The following MN1 variants were observed in gnomAD, a reference collection of about 807,000 sequenced individuals.
MN1 encodes transcriptional activator MN1.
MN1 carries 19 observed loss-of-function variants against 86.9 expected under a neutral mutation model. The ratio of observed to expected loss-of-function variants is 0.22; its 90% CI spans 0.15 to 0.32. The LOEUF is 0.32. Ranked by LOEUF, MN1 falls within the 10% of genes least tolerant of loss-of-function variation. MN1 has a pLI of 1.00. For synonymous variants in MN1, 928 were observed against 849.6 expected, an observed-to-expected ratio of 1.09 and a Z score of -1.60; for missense variants, 1,841 against 1,862.0, an observed-to-expected ratio of 0.99 and a Z score of 0.21.
At chr22:27,763,724 G>A (rs1276245113) in intron 1 of MN1, among the ~76,000 whole-genome samples, 1 of 152,188 alleles carries the variant, frequency 6.6e-6, no homozygotes, top group Non-Finnish European at 1.5e-5. Context: ...GCCATGTGCT[G>A]GGCACTGAGC....
intron 1 of MN1, among the ~76,000 whole-genome samples, chr22:27,794,809 G>A (rs1430173299): frequency 1.5e-5 from 1 of 68,710 alleles, no homozygotes; most frequent in East Asian, 6.4e-4. Context: ...CTTTAAATCA[G>A]GGTTGTTGTT....
In MN1 at chr22:27,800,816, G is replaced by T; in HGVS notation, c.-273C>A. 1.9e-6 allele frequency: 1 copy of T among 533,948 alleles called. No homozygotes were observed. The allele number at this position is 533,948 out of a possible 1,614,324, so 33.1% of individuals were successfully genotyped here. ...AGCCGTGTTGGGGGGCCCATGCCCCGGGCGGTTGTCACAGCCGCGGGTGGG... is the reference window on the plus strand; with the variant it reads ...AGCCGTGTTGGGGGGCCCATGCCCCTGGCGGTTGTCACAGCCGCGGGTGGG... On this transcript the variant is annotated 5_prime_UTR_variant, in exon 1 of 2. Coordinates refer to ENST00000302326, the MANE Select transcript of MN1 (RefSeq NM_002430.3).
intron 1 of MN1, among the ~76,000 whole-genome samples, chr22:27,765,040 T>C (rs1932859039): frequency 6.6e-6 from 1 of 152,186 alleles, no homozygotes; most frequent in Admixed American, 6.5e-5. Flanking sequence ...TAAACAAATA[T>C]CTGGGCACCT....
At chr22:27,776,683 A>C (rs1601332614) in intron 1 of MN1, among the ~76,000 whole-genome samples, 1 of 148,928 alleles carries the variant, frequency 6.7e-6, no homozygotes, top group South Asian at 2.1e-4. Context: ...CCCTAGCCCC[A>C]TCTCGCCTTG....
At chr22:27,786,289 G>C (rs1306299050) in intron 1 of MN1, among the ~76,000 whole-genome samples, 1 of 152,166 alleles carries the variant, frequency 6.6e-6, no homozygotes, top group African/African-American at 2.4e-5. Flanking sequence ...AATGACACAT[G>C]CTCCCCTTTA....
chr22:27,792,654 G>A (rs960202398), intron 1 of MN1, among the ~76,000 whole-genome samples: 25 of 152,014 alleles, frequency 1.6e-4, no homozygotes, highest in Admixed American at 1.0e-3. Flanking sequence ...AGGCCCAAAC[G>A]TCAGCTGCAC....
intron 1 of MN1, among the ~76,000 whole-genome samples, chr22:27,766,134 T>C (rs1222333727): frequency 6.6e-6 from 1 of 152,194 alleles, no homozygotes; most frequent in Non-Finnish European, 1.5e-5. Context: ...GGTGCAGCAC[T>C]TGCCTTCTCT....
intron 1 of MN1, among the ~76,000 whole-genome samples, chr22:27,777,790 C>A (rs968782099): frequency 6.6e-6 from 1 of 151,668 alleles, no homozygotes; most frequent in Non-Finnish European, 1.5e-5. Flanking sequence ...GCAAGAGAAC[C>A]GCTTGAACCC....
intron 1 of MN1, among the ~76,000 whole-genome samples, chr22:27,775,831 T>C (rs551528416): frequency 4.3e-4 from 66 of 152,250 alleles, no homozygotes; most frequent in African/African-American, 1.5e-3. Context: ...AGCTCCGCTC[T>C]CTCCCCGAAT....
chr22:27,753,087 A>G lies in MN1; in HGVS notation c.3782-1991T>C, dbSNP rs149882306. Among the ~76,000 whole-genome samples, 5 of 152,376 alleles carry G rather than the reference A, an allele frequency of 3.3e-5. No homozygotes were observed. The East Asian group carries it at 9.6e-4, about 29-fold the overall frequency. ...CCACCCTGGAGCCCCAGAGACACTC[A>G]GCTTTGGGACCTGCATGCTGGGAGG... On this transcript the variant is annotated intron_variant, in intron 1 of 1. Transcript: ENST00000302326.
At chr22:27,787,177 G>A (rs139076190) in intron 1 of MN1, among the ~76,000 whole-genome samples, 98 of 152,286 alleles carry the variant, frequency 6.4e-4, no homozygotes, top group Non-Finnish European at 1.1e-3. Context: ...AGCAAAGCCC[G>A]GCAAAAGGCA....
At position 27,798,060 on chromosome 22, in the gene MN1, G is replaced by A; in HGVS notation, c.2484C>T (p.Leu828=). 1 of 1,611,288 alleles carries A rather than the reference G, an allele frequency of 6.2e-7. No homozygotes were observed. Among genetic ancestry groups the A allele is most frequent in the East Asian group, 2.2e-5 (1 of 44,868 alleles). ...CGATCATGTTCTGGCAAGCGGTGGA[G>A]AGCGCAGCCAGGCAGCTCTGGCCGA... ...NLFGQSCLAA[L]STACQNMIAS... is the part of the protein sequence containing the mutation. The change falls in exon 1 of 2, where the codon CTC becomes CTT. Residue 828 remains leucine (L), a synonymous_variant. Transcript: ENST00000302326.
intron 1 of MN1, among the ~76,000 whole-genome samples, chr22:27,767,069 C>T (rs1227816724): frequency 6.6e-6 from 1 of 152,190 alleles, no homozygotes; most frequent in East Asian, 1.9e-4. Context: ...TTGCCCTGCT[C>T]TCTGCCATGG....
chr22:27,754,374 G>C (rs560186699), intron 1 of MN1, among the ~76,000 whole-genome samples: 1 of 152,268 alleles, frequency 6.6e-6, no homozygotes, highest in South Asian at 2.1e-4. Flanking sequence ...CACCCAGCAA[G>C]CCCATCAGTG....
At chr22:27,752,339 G>T (rs531576450) in intron 1 of MN1, among the ~76,000 whole-genome samples, 1 of 152,268 alleles carries the variant, frequency 6.6e-6, no homozygotes, top group East Asian at 1.9e-4. Context: ...GAGAGACAGA[G>T]AATCTGAGCT....
chr22:27,793,433 A>G (rs955542606), intron 1 of MN1, among the ~76,000 whole-genome samples: 4 of 150,432 alleles, frequency 2.7e-5, no homozygotes, highest in Non-Finnish European at 5.9e-5. Flanking sequence ...AAATCCATAT[A>G]ATTCTCACCA....
In MN1 at chr22:27,799,147, C is replaced by G. The variant is rs1933378503; in HGVS notation, c.1397G>C (p.Gly466Ala). The G allele has an allele frequency of 6.2e-7, 1 of 1,606,470 alleles. No homozygotes were observed. The highest frequency in any genetic ancestry group is 1.3e-5 in the African/African-American group (1 of 74,814). ...RPRFDFPGSAGVDRCASWNGS... is the reference protein window; with the variant it reads ...RPRFDFPGSAAVDRCASWNGS... ...GTTCCACGAAGCGCAGCGGTCCACT[C>G]CCGCGCTGCCCGGAAAGTCGAAGCG... The change falls in exon 1 of 2, where the codon GGA (glycine) becomes GCA (alanine). Residue 466 changes from glycine to alanine, a missense_variant. By Grantham distance (60) the Gly-to-Ala change is moderately conservative. Transcript: ENST00000302326.
intron 1 of MN1, among the ~76,000 whole-genome samples, chr22:27,795,737 A>G (rs1020750446): frequency 2.6e-5 from 4 of 151,998 alleles, no homozygotes; most frequent in Admixed American, 1.3e-4. Context: ...ACACACACAC[A>G]CACGCACTTT....
intron 1 of MN1, among the ~76,000 whole-genome samples, chr22:27,769,305 A>G (rs55953255): frequency 1.3e-5 from 2 of 152,142 alleles, no homozygotes; most frequent in African/African-American, 4.8e-5. Context: ...GACCTATTGC[A>G]ATCACAAAGA....
Sources: allele counts gnomAD v4.1 joint callset (sites outside exome capture counted in the v4.1 genomes callset), GRCh38; gene constraint gnomAD v4.1.1; transcripts MANE v1.5; gene names NCBI Gene and HGNC (gene_info 2026-07-23, HGNC 2026-07-21).